ITFG1: variants seen among roughly 807,000 people sequenced by gnomAD.
ITFG1 encodes integrin alpha FG-GAP repeat containing 1.
A neutral mutation model predicts 81.8 loss-of-function variants in ITFG1; 34 were observed. That is an observed-to-expected ratio of 0.42 (90% CI 0.32 to 0.55). The LOEUF (loss-of-function observed/expected upper bound fraction) is 0.55. ITFG1 is among the 20% of genes least tolerant of loss of function. ITFG1 has a pLI of 0.17. For synonymous variants in ITFG1, 285 were observed against 270.6 expected (o/e 1.05, Z -0.52); for missense variants, 672 against 755.4 (o/e 0.89, Z 1.29).
intron 10 of ITFG1, among the ~76,000 whole-genome samples, chr16:47,294,977 G>A (rs1040641665): frequency 6.6e-6 from 1 of 152,090 alleles, no homozygotes; most frequent in Non-Finnish European, 1.5e-5. Context: ...TCCACATTCA[G>A]TATGATGTTG....
intron 6 of ITFG1, among the ~76,000 whole-genome samples, chr16:47,423,095 A>T (rs1384410056): frequency 1.3e-5 from 2 of 152,142 alleles, no homozygotes; most frequent in African/African-American, 4.8e-5. Flanking sequence ...TTGCTTTATG[A>T]ATCTGGGTGC....
chr16:47,375,760 A>T, intron 7 of ITFG1, 116 bp downstream of exon 7: 1 of 727,468 alleles, frequency 1.4e-6, no homozygotes, highest in South Asian at 1.6e-5. Flanking sequence ...AGGCTCTTAA[A>T]GTTTTCTATT....
chr16:47,394,332 C>G (rs544161115), intron 6 of ITFG1, among the ~76,000 whole-genome samples: 6 of 152,178 alleles, frequency 3.9e-5, no homozygotes, highest in Non-Finnish European at 8.8e-5. Flanking sequence ...TTTAAGTCAG[C>G]TGAGCAATTC....
intron 7 of ITFG1, among the ~76,000 whole-genome samples, chr16:47,374,185 T>G (rs558391075): frequency 1.2e-4 from 18 of 152,310 alleles, no homozygotes; most frequent in African/African-American, 3.6e-4. Flanking sequence ...AACCCCACTG[T>G]AGGAGCACTC....
intron 8 of ITFG1, among the ~76,000 whole-genome samples, chr16:47,349,461 G>A (rs1967915614): frequency 6.6e-6 from 1 of 152,046 alleles, no homozygotes; most frequent in African/African-American, 2.4e-5. Context: ...AAGAGACAAA[G>A]AACACCATTA....
intron 6 of ITFG1, among the ~76,000 whole-genome samples, chr16:47,393,374 C>T (rs1968555756): frequency 6.6e-6 from 1 of 152,144 alleles, no homozygotes; most frequent in Admixed American, 6.5e-5. Context: ...AGGGGCTATA[C>T]TGGTATTGAA....
rs563696770 is a variant in ITFG1 at position 47,356,429 on chromosome 16, A to G, written c.802+9359T>C. Among the ~76,000 whole-genome samples, 5 of 152,320 alleles carry G rather than the reference A, an allele frequency of 3.3e-5. No individual in the cohort carries two copies. In the South Asian group the frequency reaches 1.0e-3, roughly 32 times the overall value. Reference sequence around the variant, plus strand: ...ATTAGTTACAGAGGGTGATGTGATGATAGGCAGGGGCAAGTTAAATACAGA... The same window carrying G: ...ATTAGTTACAGAGGGTGATGTGATGGTAGGCAGGGGCAAGTTAAATACAGA... On this transcript the variant is annotated intron_variant, in intron 8 of 17. Transcript: ENST00000320640.
intron 8 of ITFG1, among the ~76,000 whole-genome samples, chr16:47,357,402 C>A (rs530971058): frequency 5.9e-5 from 9 of 152,090 alleles, no homozygotes; most frequent in African/African-American, 2.2e-4. Flanking sequence ...ATCGTGAGGT[C>A]AGGAGATCGA....
Position 47,296,952 on chromosome 16 carries a change from A to G in ITFG1, c.1070+14288T>C, listed in dbSNP as rs1172197810. Among the ~76,000 whole-genome samples the G allele has an allele frequency of 3.3e-5, 5 of 152,138 alleles. No homozygotes were observed. The South Asian group carries it at 8.3e-4, about 25-fold the overall frequency. On this transcript the variant is annotated intron_variant, in intron 10 of 17. Coordinates refer to ENST00000320640, the MANE Select transcript of ITFG1 (RefSeq NM_030790.5). ...TGTCTATTAAATCCATTTGGTCTAG[A>G]GTCCAATTTAAGTCTAGTGTTTGTG...
At chr16:47,353,907 C>A (rs1301908158) in intron 8 of ITFG1, among the ~76,000 whole-genome samples, 1 of 151,918 alleles carries the variant, frequency 6.6e-6, no homozygotes, top group Non-Finnish European at 1.5e-5. Context: ...TGAAAAGATA[C>A]CCTGTGTTCA....
Position 47,313,825 on chromosome 16 carries a change from T to C in ITFG1, c.803-2A>G. 6.3e-7 allele frequency: 1 copy of C among 1,582,198 alleles called. No individual in the cohort carries two copies. The highest frequency in any genetic ancestry group is 8.6e-7 in the Non-Finnish European group (1 of 1,161,852). ...AATGATCCATGTGTCCATCTCCATC[T>C]GCCAAAAGAAACTTCAAGAGTCCAT... On this transcript the variant is annotated splice_acceptor_variant, in intron 8 of 17. Transcript: ENST00000320640. LOFTEE classifies it high-confidence loss of function.
rs143186271 is a variant in ITFG1, at chr16:47,156,265, C to T, written c.1780-487G>A. Among the ~76,000 whole-genome samples, 1,102 of 152,060 alleles carry T rather than the reference C, an allele frequency of 7.2e-3. 18 individuals are homozygous for T. Among genetic ancestry groups the T allele is most frequent in the African/African-American group, 0.025 (1,048 of 41,492 alleles). ...CAGCCTGGCCAACATGGTGAAACCC[C>T]GTCTCTACCAAAAAAATACAAAAAT... is the stretch of plus-strand genomic sequence containing the variant. On this transcript the variant is annotated intron_variant, in intron 17 of 17. Coordinates refer to ENST00000320640, the MANE Select transcript of ITFG1 (RefSeq NM_030790.5).
At chr16:47,187,008 A>G (rs1965227192) in intron 14 of ITFG1, among the ~76,000 whole-genome samples, 1 of 152,200 alleles carries the variant, frequency 6.6e-6, no homozygotes, top group African/African-American at 2.4e-5. Context: ...ACTCCCATTC[A>G]CAATTGCTTC....
chr16:47,419,547 T>C (rs538883308), intron 6 of ITFG1, among the ~76,000 whole-genome samples: 2 of 151,580 alleles, frequency 1.3e-5, no homozygotes, highest in South Asian at 4.2e-4. Flanking sequence ...GCTGGGATTA[T>C]AGGCGTGAGC....
intron 6 of ITFG1, among the ~76,000 whole-genome samples, chr16:47,407,222 T>A (rs968533706): frequency 6.6e-6 from 1 of 152,196 alleles, no homozygotes; most frequent in Non-Finnish European, 1.5e-5. Context: ...GATGGCGACT[T>A]GAACCAGGAG....
At chr16:47,442,538 G>A (rs548504369) in intron 5 of ITFG1, among the ~76,000 whole-genome samples, 1 of 152,258 alleles carries the variant, frequency 6.6e-6, no homozygotes, top group East Asian at 1.9e-4. Flanking sequence ...GCATGGTACT[G>A]GTACCAAAAC....
Position 47,162,570 on chromosome 16 carries a change from G to A in ITFG1, c.1548C>T (p.Tyr516=), listed in dbSNP as rs145009863. The A allele has an allele frequency of 3.7e-6, 6 of 1,611,492 alleles. No homozygotes were observed. The highest frequency in any genetic ancestry group is 4.5e-5 in the East Asian group (2 of 44,758). Residue 516 remains tyrosine (Y), a synonymous_variant, in exon 15 of 18, where the codon TAC becomes TAT. Coordinates refer to ENST00000320640, the MANE Select transcript of ITFG1 (RefSeq NM_030790.5). ...CTCCAGATGGACGGGGAATACCAAC[G>A]TAGAGATGGTCAAGAAAATTTGCGC... ...GRSANFLDHL[Y]VGIPRPSGEK...
chr16:47,424,418 G>C (rs1447719241), intron 6 of ITFG1, among the ~76,000 whole-genome samples: 2 of 152,188 alleles, frequency 1.3e-5, no homozygotes, highest in African/African-American at 4.8e-5. Flanking sequence ...ACGATCTTCT[G>C]AAGCCTACTT....
At chr16:47,307,179 C>T (rs1272910798) in intron 10 of ITFG1, among the ~76,000 whole-genome samples, 1 of 123,190 alleles carries the variant, frequency 8.1e-6, no homozygotes, top group Non-Finnish European at 1.7e-5. Flanking sequence ...GCAAATAATA[C>T]TAAAAACATG....
Sources: allele counts gnomAD v4.1 joint callset (sites outside exome capture counted in the v4.1 genomes callset), GRCh38; gene constraint gnomAD v4.1.1; transcripts MANE v1.5; gene names NCBI Gene and HGNC (gene_info 2026-07-23, HGNC 2026-07-21).